Variants in FGF13 observed in about 807,000 individuals in gnomAD.
The protein encoded by FGF13 is fibroblast growth factor 13.
A neutral mutation model predicts 19.5 loss-of-function variants in FGF13; 2 were observed. The observed-to-expected ratio is 0.10, with a 90% CI of 0.04 to 0.32. FGF13 has a LOEUF of 0.32. Among genes scored for constraint, FGF13 ranks in the 10% least tolerant of loss-of-function variants. FGF13 has a pLI of 1.00. For missense variants in FGF13, 113 were observed against 192.7 expected, an observed-to-expected ratio of 0.59 and a Z score of 2.45; for synonymous variants, 72 against 76.9, an observed-to-expected ratio of 0.94 and a Z score of 0.33.
At position 138,619,141 on chromosome X, in the gene FGF13, A is replaced by G. The variant is rs1009709916; in HGVS notation, c.*13709T>C. On this transcript the variant is annotated 3_prime_UTR_variant, in exon 5 of 5. Transcript: ENST00000315930. The stretch of plus-strand genomic sequence containing the variant: ...AAAATATTAAAAATAATTGTTTTAA[A>G]TAAGCTTGGGTTGCTACATGAGAAC... 9.0e-6 allele frequency: 1 copy of G among 111,672 alleles called. No homozygotes were observed. Among genetic ancestry groups the G allele is most frequent in the African/African-American group, 3.3e-5 (1 of 30,670 alleles). 9.2% of individuals were successfully genotyped at this position (111,672 alleles called of 1,213,427 possible). A position where few individuals can be genotyped will look rare whatever the true frequency, so the allele number is the denominator to read the frequency against.
chrX:139,044,479 A>G (rs752360063), intron 1 of FGF13, among the ~76,000 whole-genome samples: 11 of 111,398 alleles, frequency 9.9e-5, no homozygotes, highest in Non-Finnish European at 3.8e-5. Flanking sequence ...CTATACACCC[A>G]CCAGGTCCCG....
At chrX:139,078,286 A>G (rs1442114202) in intron 1 of FGF13, among the ~76,000 whole-genome samples, 4 of 110,078 alleles carry the variant, frequency 3.6e-5, no homozygotes, top group African/African-American at 1.3e-4. Flanking sequence ...CAAATCAAGC[A>G]TGCTAACACT....
At chrX:138,693,218 A>C (rs913365581) in intron 3 of FGF13, among the ~76,000 whole-genome samples, 1 of 111,987 alleles carries the variant, frequency 8.9e-6, no homozygotes, top group Non-Finnish European at 1.9e-5. Flanking sequence ...ATAATCTGTG[A>C]TGTAGGAAAT....
intron 1 of FGF13, among the ~76,000 whole-genome samples, chrX:138,726,255 G>A (rs1239621919): frequency 9.0e-6 from 1 of 111,623 alleles, no homozygotes; most frequent in African/African-American, 3.2e-5. Flanking sequence ...CCTGGGGTAA[G>A]CTTCCCCCTT....
chrX:138,875,247 A>G (rs1602986049), intron 1 of FGF13, among the ~76,000 whole-genome samples: 1 of 109,116 alleles, frequency 9.2e-6, no homozygotes, highest in Non-Finnish European at 1.9e-5. Context: ...AAAAAAAAAA[A>G]ACAGAAAAGA....
chrX:139,116,358 T>C (rs2083639622), intron 1 of FGF13, among the ~76,000 whole-genome samples: 1 of 112,031 alleles, frequency 8.9e-6, no homozygotes, highest in African/African-American at 3.2e-5. Flanking sequence ...ATTGGTATTT[T>C]TCCTTCTAAG....
At chrX:138,957,558 T>C (rs1395639477) in intron 1 of FGF13, among the ~76,000 whole-genome samples, 1 of 111,380 alleles carries the variant, frequency 9.0e-6, no homozygotes, top group Non-Finnish European at 1.9e-5. Flanking sequence ...GTGAAGAAAG[T>C]CATTGGTAGC....
At chrX:139,117,012 C>G (rs1431158027) in intron 1 of FGF13, among the ~76,000 whole-genome samples, 1 of 111,291 alleles carries the variant, frequency 9.0e-6, no homozygotes, top group African/African-American at 3.3e-5. Flanking sequence ...TGAAGGGAAG[C>G]ATATAACAGT....
intron 3 of FGF13, among the ~76,000 whole-genome samples, chrX:138,784,174 G>T (rs1602846672): frequency 1.5e-5 from 1 of 67,958 alleles, no homozygotes; most frequent in Admixed American, 2.0e-4. Flanking sequence ...GTGGGGTGGG[G>T]GGAGGGGGGA....
chrX:138,930,443 G>A (rs556427343), intron 1 of FGF13, among the ~76,000 whole-genome samples: 2 of 111,830 alleles, frequency 1.8e-5, no homozygotes, highest in South Asian at 3.7e-4. Context: ...AATATGATCC[G>A]GTGCTTTCTG....
rs1249442909 is a variant in FGF13, at chrX:139,064,335, G to A, written c.-113+139081C>T. ...TTTTGAGACGGAGTCTCGCTCTGTC[G>A]CCCAGGCCGGACTGCAGACTGCAGT... is the stretch of plus-strand genomic sequence containing the variant. On this transcript the variant is annotated intron_variant, in intron 1 of 2. Transcript: ENST00000421460. Among the ~76,000 whole-genome samples, 8 of 50,564 alleles carry A rather than the reference G, an allele frequency of 1.6e-4. 2 individuals carry two copies. The highest frequency in any genetic ancestry group is 2.4e-4 in the Non-Finnish European group (8 of 33,190). 43.9% of individuals were successfully genotyped at this position (50,564 alleles called of 115,157 possible).
At chrX:138,903,958 C>A (rs904691600) in intron 1 of FGF13, among the ~76,000 whole-genome samples, 1 of 110,937 alleles carries the variant, frequency 9.0e-6, no homozygotes, top group African/African-American at 3.3e-5. Flanking sequence ...AAAGGAAGGC[C>A]ACAGTGGCAG....
At chrX:138,868,933 G>A (rs2091343679) in intron 1 of FGF13, among the ~76,000 whole-genome samples, 2 of 110,693 alleles carry the variant, frequency 1.8e-5, no homozygotes, top group Admixed American at 1.9e-4. Context: ...TGACCGCTAG[G>A]AATTCCTTGG....
intron 1 of FGF13, among the ~76,000 whole-genome samples, chrX:138,897,897 C>A (rs1311931116): frequency 9.0e-6 from 1 of 111,235 alleles, no homozygotes; most frequent in Non-Finnish European, 1.9e-5. Flanking sequence ...AAAGCCCATA[C>A]CTTTGTTTTA....
At chrX:138,832,108 G>A in intron 3 of FGF13, among the ~76,000 whole-genome samples, 1 of 111,988 alleles carries the variant, frequency 8.9e-6, no homozygotes, top group Non-Finnish European at 1.9e-5. Context: ...TGTGAATAGT[G>A]CTGCAATGAA....
At chrX:139,020,047 G>A (rs1377351622) in intron 1 of FGF13, among the ~76,000 whole-genome samples, 4 of 110,796 alleles carry the variant, frequency 3.6e-5, no homozygotes. Context: ...CTAGCTTGTG[G>A]TGTTGGTCAT....
upstream of FGF13, among the ~76,000 whole-genome samples, chrX:138,743,702 T>C (rs954464099): frequency 1.5e-4 from 17 of 111,688 alleles, no homozygotes; most frequent in African/African-American, 5.2e-4. Context: ...TAAAGTCTAT[T>C]TTTAAAACTT....
intron 3 of FGF13, among the ~76,000 whole-genome samples, chrX:138,766,085 C>T (rs760934290): frequency 7.9e-4 from 89 of 112,149 alleles, no homozygotes; most frequent in Middle Eastern, 4.7e-3. Flanking sequence ...TTAATTCTTT[C>T]TCACCGATCC....
At chrX:139,030,980 G>A (rs1043455652) in intron 1 of FGF13, among the ~76,000 whole-genome samples, 1 of 111,394 alleles carries the variant, frequency 9.0e-6, no homozygotes, top group Non-Finnish European at 1.9e-5. Context: ...AGGCCTTGGC[G>A]GACTTATTTA....
Sources: gnomAD v4.1 joint callset for allele counts (sites outside exome capture counted in the v4.1 genomes callset) on GRCh38, gnomAD v4.1.1 for gene constraint, MANE v1.5 for transcripts, NCBI Gene and HGNC (gene_info 2026-07-23, HGNC 2026-07-21) for gene names.